PPFIA2: variants seen among roughly 807,000 people sequenced by gnomAD.
PPFIA2 encodes the protein liprin-alpha-2.
In PPFIA2, 46 loss-of-function variants were observed where a neutral mutation model predicts 175.5. The ratio of observed to expected loss-of-function variants is 0.26; its 90% CI spans 0.21 to 0.34. The LOEUF (loss-of-function observed/expected upper bound fraction) is 0.34. PPFIA2 is among the 10% of genes least tolerant of loss of function. PPFIA2 has a pLI of 1.00. For synonymous variants in PPFIA2, 568 were observed against 511.4 expected (o/e 1.11, Z -1.49); for missense variants, 1,179 against 1,506.1 (o/e 0.78, Z 3.60).
Position 81,411,078 on chromosome 12 carries a change from G to T in PPFIA2, c.646-5175C>A, listed in dbSNP as rs570899466. Among the ~76,000 whole-genome samples the T allele has an allele frequency of 1.3e-5, 2 of 152,196 alleles. 1 individual carries two copies. Among genetic ancestry groups the T allele is most frequent in the African/African-American group, 4.8e-5 (2 of 41,558 alleles). ...ACTTGCAAATGCAGCAGGAAACATG[G>T]AAGACAATACAGAGTATGCAATACC... On this transcript the variant is annotated intron_variant, in intron 7 of 32. Coordinates refer to ENST00000549396, the MANE Select transcript of PPFIA2 (RefSeq NM_003625.5).
chr12:81,529,773 T>A (rs1249076442), intron 4 of PPFIA2, among the ~76,000 whole-genome samples: 1 of 151,904 alleles, frequency 6.6e-6, no homozygotes, highest in Non-Finnish European at 1.5e-5. Flanking sequence ...TTTTTACACT[T>A]TTAAATTGTC....
chr12:81,541,140 G>C (rs766495337), intron 4 of PPFIA2, among the ~76,000 whole-genome samples: 1 of 152,028 alleles, frequency 6.6e-6, no homozygotes, highest in Non-Finnish European at 1.5e-5. Context: ...TATCAGTGTT[G>C]ATACATGTTG....
At position 81,347,707 on chromosome 12, in the gene PPFIA2, A is replaced by G; in HGVS notation, c.2058T>C (p.Ala686=). The G allele has an allele frequency of 6.2e-7, 1 of 1,613,826 alleles. No homozygotes were observed. The highest frequency in any genetic ancestry group is 8.5e-7 in the Non-Finnish European group (1 of 1,179,808). The change falls in exon 18 of 33, where the codon GCT becomes GCC. Residue 686 remains alanine, a synonymous_variant. Transcript: ENST00000549396. ...LRAEEIENRV[A]SVSLEGLNLA... ...AATTCAGGCCTTCGAGGCTCACACT[A>G]GCCACTCTATTTTCAATTTCTTCAG...
intron 3 of PPFIA2, among the ~76,000 whole-genome samples, chr12:81,677,361 C>G (rs1445528728): frequency 6.6e-6 from 1 of 152,036 alleles, no homozygotes; most frequent in Non-Finnish European, 1.5e-5. Flanking sequence ...TCCAAATATG[C>G]TCTTCTGGCT....
At chr12:81,362,872 G>GA (rs2031446700) in intron 14 of PPFIA2, 88 bp from the exon 15 acceptor site, 1 of 743,268 alleles carries the variant, frequency 1.3e-6, no homozygotes. Flanking sequence ...TTTTAAAAAG[G>GA]AAAAACTGAG....
At chr12:81,733,454 G>T (rs117367783) in intron 3 of PPFIA2, among the ~76,000 whole-genome samples, 1 of 151,490 alleles carries the variant, frequency 6.6e-6, no homozygotes, top group African/African-American at 2.4e-5. Context: ...TAAGAGGGTA[G>T]ATCTCATGTT....
intron 4 of PPFIA2, chr12:81,472,410 G>C (rs2056877634): frequency 1.3e-5 from 2 of 152,170 alleles, no homozygotes; most frequent in Admixed American, 1.3e-4. Context: ...ATGGAATGGA[G>C]GGTAAGCTAT....
intron 4 of PPFIA2, among the ~76,000 whole-genome samples, chr12:81,603,664 GAACT>G (rs2060006650): frequency 6.6e-6 from 1 of 151,482 alleles, no homozygotes; most frequent in Non-Finnish European, 1.5e-5. Context: ...AAGGAAGAAA[GAACT>G]AACATTCAGT....
chr12:81,296,258 G>A (rs2046413111), intron 23 of PPFIA2, among the ~76,000 whole-genome samples: 1 of 152,190 alleles, frequency 6.6e-6, no homozygotes, highest in African/African-American at 2.4e-5. Context: ...GGCAGAGGTT[G>A]CAGTGAGCTG....
intron 4 of PPFIA2, among the ~76,000 whole-genome samples, chr12:81,600,086 A>G (rs2059638219): frequency 6.6e-6 from 1 of 151,958 alleles, no homozygotes; most frequent in Non-Finnish European, 1.5e-5. Context: ...TATTATTTGG[A>G]AAGTAGTACA....
At chr12:81,420,304 C>T (rs925881059) in intron 7 of PPFIA2, among the ~76,000 whole-genome samples, 11 of 152,010 alleles carry the variant, frequency 7.2e-5, no homozygotes, top group Non-Finnish European at 1.6e-4. Context: ...AAAAGGAACA[C>T]AATAATTTTC....
chr12:81,720,076 C>A (rs2079125898), intron 3 of PPFIA2, among the ~76,000 whole-genome samples: 1 of 151,350 alleles, frequency 6.6e-6, no homozygotes, highest in Non-Finnish European at 1.5e-5. Context: ...CATAGTCTGG[C>A]ATTCCCTACC....
chr12:81,400,033 C>T (rs1450268797), intron 8 of PPFIA2, among the ~76,000 whole-genome samples: 1 of 152,038 alleles, frequency 6.6e-6, no homozygotes, highest in Non-Finnish European at 1.5e-5. Context: ...GAAGACATGC[C>T]TGTGGATGAT....
At chr12:81,621,029 C>A (rs1399633186) in intron 4 of PPFIA2, among the ~76,000 whole-genome samples, 1 of 151,978 alleles carries the variant, frequency 6.6e-6, no homozygotes, top group Non-Finnish European at 1.5e-5. Flanking sequence ...GTTTATCTTG[C>A]AATAGAATAA....
intron 4 of PPFIA2, 98 bp from the exon 5 acceptor site, chr12:81,457,964 T>C (rs748436165): frequency 9.8e-6 from 7 of 717,446 alleles, no homozygotes; most frequent in Non-Finnish European, 1.6e-5. Context: ...TGGGGAAAAA[T>C]GACCCCACTG....
chr12:81,673,251 A>C (rs745817052), intron 4 of PPFIA2, among the ~76,000 whole-genome samples: 23 of 152,172 alleles, frequency 1.5e-4, no homozygotes, highest in Non-Finnish European at 2.2e-4. Context: ...TCCAGATAGC[A>C]GGTTCATGCT....
intron 16 of PPFIA2, among the ~76,000 whole-genome samples, chr12:81,357,563 A>G (rs1278163317): frequency 6.6e-6 from 1 of 152,238 alleles, no homozygotes; most frequent in Non-Finnish European, 1.5e-5. Flanking sequence ...CTTTATGAAC[A>G]CAAGGAATAG....
At chr12:81,651,808 C>G (rs2067067902) in intron 4 of PPFIA2, among the ~76,000 whole-genome samples, 1 of 152,092 alleles carries the variant, frequency 6.6e-6, no homozygotes. Flanking sequence ...GACTTCATTC[C>G]TATCTCACAT....
intron 7 of PPFIA2, among the ~76,000 whole-genome samples, chr12:81,437,084 C>A (rs1288181361): frequency 6.6e-6 from 1 of 152,122 alleles, no homozygotes; most frequent in African/African-American, 2.4e-5. Context: ...ACCACACTGC[C>A]TATAGGAGAT....
Sources: gnomAD v4.1 joint callset for allele counts (sites outside exome capture counted in the v4.1 genomes callset) on GRCh38, gnomAD v4.1.1 for gene constraint, MANE v1.5 for transcripts, NCBI Gene and HGNC (gene_info 2026-07-23, HGNC 2026-07-21) for gene names.